Variants in ULK4 observed in about 807,000 individuals in gnomAD.
The protein encoded by ULK4 is inactive serine/threonine-protein kinase ULK4.
In ULK4, 133 loss-of-function variants were observed where a neutral mutation model predicts 160.6. That is an observed-to-expected ratio of 0.83 (90% confidence interval 0.72 to 0.96). The LOEUF is 0.96. ULK4 is among the 40% of genes least tolerant of loss of function. The probability of loss-of-function intolerance (pLI) is 0.00; values close to 1 mark genes in which losing one functional copy is unlikely to be tolerated. For synonymous variants in ULK4, 534 were observed against 539.8 expected, an observed-to-expected ratio of 0.99 and a Z score of 0.15; for missense variants, 1,580 against 1,499.5, an observed-to-expected ratio of 1.05 and a Z score of -0.89.
intron 30 of ULK4, among the ~76,000 whole-genome samples, chr3:41,644,092 G>C (rs930357714): frequency 9.2e-5 from 14 of 152,140 alleles, no homozygotes; most frequent in African/African-American, 3.1e-4. Context: ...GAGATTTTGG[G>C]CTGAGACAAT....
intron 31 of ULK4, among the ~76,000 whole-genome samples, chr3:41,599,222 T>G (rs905278941): frequency 6.6e-6 from 1 of 152,166 alleles, no homozygotes; most frequent in African/African-American, 2.4e-5. Context: ...GTCAGCTGTT[T>G]AGGATGAGGA....
chr3:41,904,417 G>A (rs1698480483), intron 12 of ULK4, among the ~76,000 whole-genome samples: 2 of 152,124 alleles, frequency 1.3e-5, no homozygotes, highest in South Asian at 2.1e-4. Flanking sequence ...TCACAGGAGT[G>A]AGGCTCTGTC....
chr3:41,341,516 T>C (rs1260523796), intron 35 of ULK4, among the ~76,000 whole-genome samples: 1 of 152,208 alleles, frequency 6.6e-6, no homozygotes, highest in African/African-American at 2.4e-5. Context: ...GCTGCAGCTC[T>C]GAAAAGATCT....
At chr3:41,609,404 A>T (rs13087880) in intron 31 of ULK4, among the ~76,000 whole-genome samples, 31,025 of 152,122 alleles carry the variant, frequency 0.2, 3,966 homozygotes, top group Non-Finnish European at 0.28. Context: ...TTTTGCAAAC[A>T]TGTATTTATG....
intron 29 of ULK4, among the ~76,000 whole-genome samples, chr3:41,672,538 CTAGGGAGGATG>C (rs2035576574): frequency 6.6e-6 from 1 of 152,126 alleles, no homozygotes; most frequent in South Asian, 2.1e-4. Context: ...ATTCCAGACA[CTAGGGAGGATG>C]TATAGGTAGA....
Position 41,896,857 on chromosome 3 carries a change from G to A in ULK4, c.1495C>T (p.Gln499Ter), listed in dbSNP as rs368706346. The A allele has an allele frequency of 2.2e-5, 36 of 1,613,204 alleles. No homozygotes were observed. Among genetic ancestry groups the A allele is most frequent in the Non-Finnish European group, 2.7e-5 (32 of 1,179,748 alleles). ...LCYLCVVAGH[Q>*]EVATRLLHSP... ...TGGAGGAGCCTGGTGGCCACCTCCT[G>A]GTGACCAGCCACCACGCACAAATAG... Residue 499 changes from glutamine to a stop codon, truncating the protein, a stop_gained, in exon 15 of 37, where the codon CAG becomes TAG. Coordinates refer to ENST00000301831, the MANE Select transcript of ULK4 (RefSeq NM_017886.4). LOFTEE classifies it high-confidence loss of function.
At chr3:41,300,400 C>T (rs964243350) in intron 35 of ULK4, among the ~76,000 whole-genome samples, 1 of 152,130 alleles carries the variant, frequency 6.6e-6, no homozygotes, top group African/African-American at 2.4e-5. Context: ...GGTGAATATG[C>T]ATAAGTTTCC....
intron 5 of ULK4, among the ~76,000 whole-genome samples, chr3:41,931,593 A>C (rs140867070): frequency 1.3e-5 from 2 of 152,232 alleles, no homozygotes; most frequent in African/African-American, 4.8e-5. Flanking sequence ...ATGAGTGCTC[A>C]GTAAAACATA....
At chr3:41,533,117 T>C (rs964550217) in intron 32 of ULK4, among the ~76,000 whole-genome samples, 2 of 152,134 alleles carry the variant, frequency 1.3e-5, no homozygotes, top group Non-Finnish European at 2.9e-5. Flanking sequence ...ACCCTCCCCA[T>C]ACTGAGGCTC....
At chr3:41,902,060 C>T (rs1034885296) in intron 12 of ULK4, among the ~76,000 whole-genome samples, 4 of 147,846 alleles carry the variant, frequency 2.7e-5, no homozygotes, top group African/African-American at 1.0e-4. Flanking sequence ...TATTTCCCAA[C>T]AGGGAAAAAA....
At chr3:41,276,992 A>T (rs894984019) in intron 35 of ULK4, among the ~76,000 whole-genome samples, 3 of 152,186 alleles carry the variant, frequency 2.0e-5, no homozygotes, top group Non-Finnish European at 4.4e-5. Context: ...ACACACATAA[A>T]CTAGAAAACC....
At chr3:41,614,337 C>T (rs953489632) in intron 31 of ULK4, among the ~76,000 whole-genome samples, 2 of 152,174 alleles carry the variant, frequency 1.3e-5, no homozygotes, top group African/African-American at 4.8e-5. Context: ...TTGGCTCTTG[C>T]CCCATACCCA....
At chr3:41,248,693 G>A (rs901466925) in intron 36 of ULK4, among the ~76,000 whole-genome samples, 2 of 152,208 alleles carry the variant, frequency 1.3e-5, no homozygotes, top group African/African-American at 2.4e-5. Flanking sequence ...CCAGGAAATG[G>A]CAGACAGCAT....
intron 25 of ULK4, among the ~76,000 whole-genome samples, chr3:41,706,092 G>T (rs576322720): frequency 1.3e-5 from 2 of 151,840 alleles, no homozygotes; most frequent in South Asian, 2.1e-4. Flanking sequence ...CCTTATCTGC[G>T]CTCCCATGCA....
At chr3:41,466,268 G>C (rs759391669) in intron 32 of ULK4, among the ~76,000 whole-genome samples, 1 of 152,100 alleles carries the variant, frequency 6.6e-6, no homozygotes, top group Non-Finnish European at 1.5e-5. Context: ...CTGAGCATTC[G>C]GGGTGTTCAT....
chr3:41,386,672 C>G (rs1054539859), intron 35 of ULK4, among the ~76,000 whole-genome samples: 6 of 152,140 alleles, frequency 3.9e-5, no homozygotes, highest in Non-Finnish European at 8.8e-5. Context: ...CAATTAGTCA[C>G]CAGACCTGGT....
rs191054221 is a variant in ULK4 at position 41,766,130 on chromosome 3, G to A, written c.2194-11642C>T. 2.6e-3 allele frequency among the ~76,000 whole-genome samples: 393 copies of A among 152,248 alleles called. 1 individual carries two copies. The highest frequency in any genetic ancestry group is 8.5e-3 in the African/African-American group (353 of 41,550). On this transcript the variant is annotated intron_variant, in intron 21 of 36. Transcript: ENST00000301831. ...CTAAAAATACAAAAATCAGCCAGGCGTGGTGGCAGGAACCTGTAATCCCAG... is the reference window on the plus strand; with the variant it reads ...CTAAAAATACAAAAATCAGCCAGGCATGGTGGCAGGAACCTGTAATCCCAG...
intron 25 of ULK4, 119 bp from the exon 26 acceptor site, chr3:41,705,424 T>C: frequency 1.6e-6 from 1 of 614,420 alleles, no homozygotes; most frequent in South Asian, 2.3e-5. Flanking sequence ...TAGACAGTAT[T>C]AAATACTCTA....
At chr3:41,832,272 T>G (rs2041618142) in intron 18 of ULK4, among the ~76,000 whole-genome samples, 1 of 152,240 alleles carries the variant, frequency 6.6e-6, no homozygotes, top group African/African-American at 2.4e-5. Context: ...GGTTTTGATT[T>G]GCATTTCTCT....
Sources: allele counts gnomAD v4.1 joint callset (sites outside exome capture counted in the v4.1 genomes callset), GRCh38; gene constraint gnomAD v4.1.1; transcripts MANE v1.5; gene names NCBI Gene and HGNC (gene_info 2026-07-23, HGNC 2026-07-21).